CACNB2: variants seen among roughly 807,000 people sequenced by gnomAD.
CACNB2 encodes the protein voltage-dependent L-type calcium channel subunit beta-2.
Under a neutral mutation model 73.3 loss-of-function variants are expected in CACNB2, and 42 were observed. The ratio of observed to expected loss-of-function variants is 0.57; its 90% CI spans 0.45 to 0.74. The LOEUF (loss-of-function observed/expected upper bound fraction) is 0.74, where lower values mean the gene tolerates loss of function less well. CACNB2 is among the 30% of genes least tolerant of loss of function. The pLI, the probability that CACNB2 is intolerant of heterozygous loss-of-function variation, is 0.00. For synonymous variants in CACNB2, 348 were observed against 310.3 expected (o/e 1.12, Z -1.28); for missense variants, 940 against 853.0 (o/e 1.10, Z -1.27).
Position 18,507,791 on chromosome 10 carries a change from G to T in CACNB2, c.670+1244G>T, listed in dbSNP as rs11817354. 1.6e-3 allele frequency among the ~76,000 whole-genome samples: 237 copies of T among 152,292 alleles called. 2 individuals are homozygous for T. The highest frequency in any genetic ancestry group is 5.6e-3 in the African/African-American group (234 of 41,542). On this transcript the variant is annotated intron_variant, in intron 6 of 13. Transcript: ENST00000324631. Reference sequence around the variant, plus strand: ...GAAATGGGAAGAGATAAAAAACAGAGAGTTGTACAACTATGCAGAAATCAA... The same window carrying T: ...GAAATGGGAAGAGATAAAAAACAGATAGTTGTACAACTATGCAGAAATCAA...
chr10:18,524,326 T>A (rs1190912158), intron 9 of CACNB2, among the ~76,000 whole-genome samples: 2 of 152,080 alleles, frequency 1.3e-5, no homozygotes, highest in African/African-American at 2.4e-5. Context: ...AATATACCAT[T>A]GCCAGAATCT....
chr10:18,162,316 GC>G (rs1008930415), intron 2 of CACNB2, among the ~76,000 whole-genome samples: 1 of 152,154 alleles, frequency 6.6e-6, no homozygotes, highest in Non-Finnish European at 1.5e-5. Flanking sequence ...TATAAGGAGA[GC>G]TGAAGCAAGG....
At chr10:18,152,740 C>CAA (rs57847393) in intron 2 of CACNB2, among the ~76,000 whole-genome samples, 1 of 97,464 alleles carries the variant, frequency 1.0e-5, no homozygotes, top group African/African-American at 4.1e-5. Context: ...AAACAAAAAA[C>CAA]AAAACACTAG....
chr10:18,504,648 T>C (rs117819731), intron 5 of CACNB2, among the ~76,000 whole-genome samples: 2,254 of 151,502 alleles, frequency 0.015, 23 homozygotes, highest in African/African-American at 0.024. Context: ...TTTGTGTGTG[T>C]GTGTGCGTGT....
intron 2 of CACNB2, among the ~76,000 whole-genome samples, chr10:18,302,427 C>T (rs2039558781): frequency 6.6e-6 from 1 of 152,058 alleles, no homozygotes; most frequent in Non-Finnish European, 1.5e-5. Context: ...TTCGCAATTG[C>T]AAAAATGTGG....
intron 2 of CACNB2, chr10:18,206,939 C>T (rs1368093097): frequency 6.6e-6 from 1 of 152,176 alleles, no homozygotes; most frequent in Non-Finnish European, 1.5e-5. Flanking sequence ...AACTTGAGTA[C>T]AGTACAATAA....
chr10:18,489,906 C>T (rs2049311370), intron 3 of CACNB2, among the ~76,000 whole-genome samples: 1 of 152,098 alleles, frequency 6.6e-6, no homozygotes, highest in Non-Finnish European at 1.5e-5. Context: ...GAGACAGGGT[C>T]TCTCTCTGTT....
At chr10:18,154,986 G>A (rs934754857) in intron 2 of CACNB2, among the ~76,000 whole-genome samples, 3 of 152,188 alleles carry the variant, frequency 2.0e-5, no homozygotes, top group African/African-American at 7.2e-5. Context: ...TGTTATGGCA[G>A]CTCAAGCAGA....
At chr10:18,246,450 ATAAATGAGG>A (rs2131531559) in intron 2 of CACNB2, among the ~76,000 whole-genome samples, 1 of 152,310 alleles carries the variant, frequency 6.6e-6, no homozygotes, top group African/African-American at 2.4e-5. Flanking sequence ...CCTCTGTTAC[ATAAATGAGG>A]TAAAGATAGG....
chr10:18,267,959 A>G (rs1588893434), intron 2 of CACNB2, among the ~76,000 whole-genome samples: 1 of 152,190 alleles, frequency 6.6e-6, no homozygotes, highest in Admixed American at 6.5e-5. Flanking sequence ...GAATAATAAG[A>G]GTCTTACTCT....
intron 2 of CACNB2, among the ~76,000 whole-genome samples, chr10:18,276,605 A>T (rs1431405972): frequency 6.6e-6 from 1 of 151,026 alleles, no homozygotes; most frequent in Non-Finnish European, 1.5e-5. Flanking sequence ...TTTAAGATGG[A>T]GTTTTGCTGT....
At chr10:18,179,116 TGCAA>T (rs2033748718) in intron 2 of CACNB2, among the ~76,000 whole-genome samples, 1 of 152,226 alleles carries the variant, frequency 6.6e-6, no homozygotes, top group East Asian at 1.9e-4. Flanking sequence ...ACGCTTTTAT[TGCAA>T]TGTAAACTAA....
chr10:18,323,071 C>G (rs2040454535), intron 2 of CACNB2, among the ~76,000 whole-genome samples: 1 of 150,414 alleles, frequency 6.6e-6, no homozygotes, highest in Non-Finnish European at 1.5e-5. Flanking sequence ...CAAGCAGTCT[C>G]CAGCCTCAGT....
At chr10:18,502,092 A>G (rs972547340) in intron 5 of CACNB2, among the ~76,000 whole-genome samples, 1 of 152,168 alleles carries the variant, frequency 6.6e-6, no homozygotes, top group Non-Finnish European at 1.5e-5. Flanking sequence ...AGATCACCTG[A>G]GGTCAGGAGT....
At chr10:18,517,624 T>G (rs1172690636) in intron 7 of CACNB2, among the ~76,000 whole-genome samples, 4 of 152,142 alleles carry the variant, frequency 2.6e-5, no homozygotes, top group African/African-American at 9.7e-5. Flanking sequence ...TTAATCACCT[T>G]CCCTCGAAGA....
intron 3 of CACNB2, among the ~76,000 whole-genome samples, chr10:18,491,058 G>T (rs928337719): frequency 6.6e-6 from 1 of 152,140 alleles, no homozygotes; most frequent in Non-Finnish European, 1.5e-5. Flanking sequence ...TGGTGTTCCC[G>T]TGAAACCTCT....
intron 3 of CACNB2, among the ~76,000 whole-genome samples, chr10:18,441,087 T>G (rs2046387619): frequency 6.6e-6 from 1 of 152,248 alleles, no homozygotes; most frequent in Non-Finnish European, 1.5e-5. Context: ...AGGGGTGTTG[T>G]TGACCTCAGT....
At chr10:18,317,363 A>G (rs1369491948) in intron 2 of CACNB2, among the ~76,000 whole-genome samples, 6 of 151,964 alleles carry the variant, frequency 3.9e-5, no homozygotes, top group Non-Finnish European at 8.8e-5. Flanking sequence ...TGAACAAAGA[A>G]CCCAATAGAT....
intron 2 of CACNB2, among the ~76,000 whole-genome samples, chr10:18,343,834 C>T (rs147615984): frequency 1.1e-3 from 164 of 152,204 alleles, no homozygotes; most frequent in African/African-American, 3.7e-3. Context: ...AATACAAACG[C>T]TCTAAAACTG....
Sources: allele counts gnomAD v4.1 joint callset (sites outside exome capture counted in the v4.1 genomes callset), GRCh38; gene constraint gnomAD v4.1.1; transcripts MANE v1.5; gene names NCBI Gene and HGNC (gene_info 2026-07-23, HGNC 2026-07-21).